Variants in ANO3 observed in about 807,000 individuals in gnomAD.
ANO3 encodes the protein anoctamin-3.
In ANO3, 99 loss-of-function variants were observed where a neutral mutation model predicts 144.8. The ratio of observed to expected loss-of-function variants is 0.68; its 90% CI spans 0.58 to 0.81. The LOEUF (loss-of-function observed/expected upper bound fraction) is 0.81. Ranked by LOEUF, ANO3 falls within the 30% of genes least tolerant of loss-of-function variation. The pLI is 0.00. For synonymous variants in ANO3, 414 were observed against 392.6 expected, an observed-to-expected ratio of 1.05 and a Z score of -0.64; for missense variants, 905 against 1,202.2, an observed-to-expected ratio of 0.75 and a Z score of 3.66.
chr11:26,639,209 A>G lies in ANO3; in HGVS notation c.2109A>G (p.Gln703=). The G allele has an allele frequency of 6.2e-7, 1 of 1,613,560 alleles. No individual in the cohort carries two copies. The highest frequency in any genetic ancestry group is 8.5e-7 in the Non-Finnish European group (1 of 1,179,622). ...TGGGTGTCATCATGTTTTTGAAGCA[A>G]ATATGGAACAACTTCATGGAACTAG... ...LQMGVIMFLK[Q]IWNNFMELGY... is the part of the protein sequence containing the mutation. The change falls in exon 21 of 27, where the codon CAA becomes CAG. Residue 703 remains glutamine, a synonymous_variant. Coordinates refer to ENST00000256737, the MANE Select transcript of ANO3 (RefSeq NM_031418.4).
intron 1 of ANO3, among the ~76,000 whole-genome samples, chr11:26,196,845 G>A (rs757781911): frequency 1.3e-5 from 2 of 152,246 alleles, no homozygotes; most frequent in South Asian, 2.1e-4. Context: ...TGTATAAAAT[G>A]TTCACTATTT....
intron 6 of ANO3, among the ~76,000 whole-genome samples, chr11:26,525,274 T>C (rs1849132546): frequency 6.6e-6 from 1 of 151,878 alleles, no homozygotes; most frequent in African/African-American, 2.4e-5. Flanking sequence ...GACGGGAAAA[T>C]GGAAGGAGGG....
At chr11:26,389,667 T>C (rs1856825919) in intron 1 of ANO3, among the ~76,000 whole-genome samples, 1 of 152,110 alleles carries the variant, frequency 6.6e-6, no homozygotes, top group Non-Finnish European at 1.5e-5. Context: ...ATCATGAATA[T>C]GTATTAAGTA....
chr11:26,468,533 A>C (rs940418000), intron 4 of ANO3, among the ~76,000 whole-genome samples: 16 of 151,966 alleles, frequency 1.1e-4, no homozygotes, highest in Admixed American at 8.5e-4. Flanking sequence ...TGAGTATTAG[A>C]AATAATTTTC....
At chr11:26,461,668 A>G (rs150922819) in intron 3 of ANO3, among the ~76,000 whole-genome samples, 2,282 of 152,176 alleles carry the variant, frequency 0.015, 29 homozygotes, top group Non-Finnish European at 0.025. Flanking sequence ...TTACCTAAAT[A>G]TGGGGGAAAC....
intron 24 of ANO3, among the ~76,000 whole-genome samples, chr11:26,648,376 T>A (rs1368506922): frequency 1.3e-5 from 2 of 152,148 alleles, no homozygotes; most frequent in Admixed American, 1.3e-4. Flanking sequence ...TCTTTTAAAA[T>A]TTAAGTCCAC....
intron 1 of ANO3, among the ~76,000 whole-genome samples, chr11:26,416,413 G>GTTT (rs1035059768): frequency 6.7e-6 from 1 of 148,928 alleles, no homozygotes; most frequent in Non-Finnish European, 1.5e-5. Context: ...TCCTGTTTTA[G>GTTT]TTTTTTTTTT....
chr11:26,659,980 A>AT (rs369002793), intron 26 of ANO3, among the ~76,000 whole-genome samples: 4 of 152,282 alleles, frequency 2.6e-5, no homozygotes, highest in African/African-American at 9.6e-5. Flanking sequence ...ATATGTAAAG[A>AT]TTTTATAGGA....
At chr11:26,501,974 C>T (rs113657172) in intron 4 of ANO3, among the ~76,000 whole-genome samples, 4 of 151,956 alleles carry the variant, frequency 2.6e-5, no homozygotes, top group Admixed American at 1.3e-4. Context: ...TATCTTGTAA[C>T]AACTCATTAA....
intron 10 of ANO3, among the ~76,000 whole-genome samples, chr11:26,540,405 A>G (rs1849613892): frequency 6.6e-6 from 1 of 152,182 alleles, no homozygotes; most frequent in African/African-American, 2.4e-5. Context: ...AAAACTCTCA[A>G]TAAACTAGGT....
chr11:26,388,480 A>G (rs918076605), intron 1 of ANO3, among the ~76,000 whole-genome samples: 3 of 152,172 alleles, frequency 2.0e-5, no homozygotes, highest in African/African-American at 7.2e-5. Context: ...TTTTATCTTT[A>G]TAATACCCCT....
intron 1 of ANO3, among the ~76,000 whole-genome samples, chr11:26,388,159 A>C (rs1482289650): frequency 1.3e-5 from 2 of 150,630 alleles, no homozygotes; most frequent in Non-Finnish European, 3.0e-5. Context: ...TTTGTATTTT[A>C]TATTTTTGTC....
chr11:26,640,895 A>T (rs886835991), intron 21 of ANO3, among the ~76,000 whole-genome samples: 1 of 151,992 alleles, frequency 6.6e-6, no homozygotes, highest in Admixed American at 6.6e-5. Flanking sequence ...GATCGCCTCA[A>T]CTCTCACCTC....
intron 17 of ANO3, among the ~76,000 whole-genome samples, chr11:26,623,149 G>A (rs1342128174): frequency 2.0e-5 from 3 of 152,140 alleles, no homozygotes; most frequent in Admixed American, 1.3e-4. Context: ...GAGAATGAGA[G>A]TACTGTACTC....
chr11:26,565,552 T>C (rs1850537808), intron 14 of ANO3: 1 of 1,613,162 alleles, frequency 6.2e-7, no homozygotes, highest in Admixed American at 1.7e-5. Flanking sequence ...ATGGTAGATG[T>C]GGGTTTTAGA....
intron 1 of ANO3, among the ~76,000 whole-genome samples, chr11:26,289,651 T>A (rs1853902044): frequency 1.1e-5 from 1 of 89,808 alleles, no homozygotes; most frequent in African/African-American, 4.9e-5. Context: ...TACACACATA[T>A]ATTCTATATG....
chr11:26,319,283 G>A (rs1418210893), intron 1 of ANO3, among the ~76,000 whole-genome samples: 1 of 152,088 alleles, frequency 6.6e-6, no homozygotes, highest in Non-Finnish European at 1.5e-5. Context: ...ACAGGCATGA[G>A]CCACTGTGCC....
At chr11:26,501,170 G>A (rs1008947394) in intron 4 of ANO3, among the ~76,000 whole-genome samples, 7 of 152,090 alleles carry the variant, frequency 4.6e-5, no homozygotes, top group Admixed American at 4.6e-4. Flanking sequence ...CCACCTGATG[G>A]CCACCCAAAT....
rs1853894338 is a variant in ANO3 at position 26,662,097 on chromosome 11, A to T, written c.*1653A>T. 1 of 152,052 alleles carries T rather than the reference A, an allele frequency of 6.6e-6. No homozygotes were observed. Among genetic ancestry groups the T allele is most frequent in the African/African-American group, 2.4e-5 (1 of 41,428 alleles). 9.4% of individuals were successfully genotyped at this position (152,052 alleles called of 1,614,324 possible). ...TTCTCTTACTAGAAAACTATTTTCT[A>T]AATATTAACACTGAAAATGTTTTGT... On this transcript the variant is annotated 3_prime_UTR_variant, in exon 27 of 27. Coordinates refer to ENST00000256737, the MANE Select transcript of ANO3 (RefSeq NM_031418.4).
Sources: allele counts gnomAD v4.1 joint callset (sites outside exome capture counted in the v4.1 genomes callset), GRCh38; gene constraint gnomAD v4.1.1; transcripts MANE v1.5; gene names NCBI Gene and HGNC (gene_info 2026-07-23, HGNC 2026-07-21).